The following BICRAL variants were observed in gnomAD, a reference collection of about 807,000 sequenced individuals.
The protein encoded by BICRAL is BICRA like chromatin remodeling complex associated protein, also known as BRD4-interacting chromatin-remodeling complex-associated protein-like.
BICRAL carries 8 observed loss-of-function variants against 91.8 expected under a neutral mutation model. The ratio of observed to expected loss-of-function variants is 0.09; its 90% CI spans 0.05 to 0.16. The LOEUF (loss-of-function observed/expected upper bound fraction) is 0.16, where lower values mean the gene tolerates loss of function less well. Ranked by LOEUF, BICRAL falls within the 10% of genes least tolerant of loss-of-function variation. The pLI is 1.00. For synonymous variants in BICRAL, 445 were observed against 491.1 expected, an observed-to-expected ratio of 0.91 and a Z score of 1.24; for missense variants, 1,038 against 1,310.9, an observed-to-expected ratio of 0.79 and a Z score of 3.21.
At chr6:42,803,711 T>C (rs1000336782) in intron 1 of BICRAL, among the ~76,000 whole-genome samples, 5 of 152,082 alleles carry the variant, frequency 3.3e-5, no homozygotes, top group African/African-American at 1.2e-4. Flanking sequence ...AGTGGGGAAG[T>C]CAGAAAAACC....
Position 42,864,624 on chromosome 6 carries a change from T to A in BICRAL, c.2453-35T>A, listed in dbSNP as rs750991811. ...TGCTGTATAGTCTGTCCTCTCCCAA[T>A]CACTCACTAATGTTCTTTTTGTTCC... On this transcript the variant is annotated intron_variant, in intron 12 of 12. Transcript: ENST00000314073. 6 of 1,569,398 alleles carry A rather than the reference T, an allele frequency of 3.8e-6. No individual in the cohort carries two copies. The Admixed American group carries it at 1.0e-4, about 27-fold the overall frequency.
chr6:42,841,139 A>G (rs1324387210), intron 6 of BICRAL, among the ~76,000 whole-genome samples: 1 of 146,100 alleles, frequency 6.8e-6, no homozygotes, highest in African/African-American at 2.5e-5. Flanking sequence ...TATAGTACCT[A>G]TCATGCTTTG....
rs1180841336 is a variant in BICRAL, at chr6:42,851,962, A to C, written c.1840-130A>C. 4 of 604,262 alleles carry C rather than the reference A, an allele frequency of 6.6e-6. No individual in the cohort carries two copies. The Admixed American group carries it at 1.2e-4, about 18-fold the overall frequency. The allele number at this position is 604,262 out of a possible 1,614,324, so 37.4% of individuals were successfully genotyped here. A position where few individuals can be genotyped will look rare whatever the true frequency, so the allele number is the denominator to read the frequency against. ...AAGTGATAAGAAAATACAATTATTAAATTTTTGGTTTGTTTATAATCTAAC... is the reference window on the plus strand; with the variant it reads ...AAGTGATAAGAAAATACAATTATTACATTTTTGGTTTGTTTATAATCTAAC... On this transcript the variant is annotated intron_variant, in intron 6 of 12. Transcript: ENST00000314073.
At chr6:42,780,362 C>G (rs1400051617), upstream of BICRAL, among the ~76,000 whole-genome samples, 42 of 151,958 alleles carry the variant, frequency 2.8e-4, 1 homozygote, top group Admixed American at 2.6e-3. Flanking sequence ...AGAAGCCATA[C>G]AATAATTTCA....
rs569158078 is a variant in BICRAL at position 42,786,120 on chromosome 6, G to T, written c.-102+4019G>T. 5.2e-3 allele frequency among the ~76,000 whole-genome samples: 791 copies of T among 152,326 alleles called. 3 individuals carry two copies. The highest frequency in any genetic ancestry group is 8.3e-3 in the Non-Finnish European group (568 of 68,024). ...AATGAGAAAGAACCAAGTCAGTGAT[G>T]AAATCATTAATTTCTCTGGATTAAG... On this transcript the variant is annotated intron_variant, in intron 1 of 12. Transcript: ENST00000314073.
At chr6:42,803,795 G>A (rs1763637501) in intron 1 of BICRAL, among the ~76,000 whole-genome samples, 1 of 152,146 alleles carries the variant, frequency 6.6e-6, no homozygotes, top group Non-Finnish European at 1.5e-5. Flanking sequence ...TCATTATCTT[G>A]TGAATATCAG....
At chr6:42,776,495 A>C (rs533280207) in intron 1 of BICRAL, among the ~76,000 whole-genome samples, 1 of 151,946 alleles carries the variant, frequency 6.6e-6, no homozygotes, top group Non-Finnish European at 1.5e-5. Context: ...CCACAGGCAC[A>C]TGCCACCATG....
At chr6:42,789,163 G>A (rs1269464143) in intron 1 of BICRAL, among the ~76,000 whole-genome samples, 1 of 152,182 alleles carries the variant, frequency 6.6e-6, no homozygotes, top group Non-Finnish European at 1.5e-5. Context: ...AGTTTGGGAA[G>A]ATGAAAAATT....
chr6:42,860,569 C>T lies in BICRAL; in HGVS notation c.2349+213C>T, dbSNP rs151160349. On this transcript the variant is annotated intron_variant, in intron 11 of 12. Transcript: ENST00000314073. The stretch of plus-strand genomic sequence containing the variant: ...GGGTCAGTACTATTCTCTTGTTTAA[C>T]GGATAAGGAAACCAGGGCTTTGGTT... Among the ~76,000 whole-genome samples, 73 of 152,272 alleles carry T rather than the reference C, an allele frequency of 4.8e-4. 1 individual carries two copies. Among genetic ancestry groups the T allele is most frequent in the African/African-American group, 1.7e-3 (69 of 41,554 alleles).
At chr6:42,821,891 G>A (rs542141486) in intron 2 of BICRAL, 127 bp from the exon 3 acceptor site, 2 of 548,742 alleles carry the variant, frequency 3.6e-6, no homozygotes, top group Non-Finnish European at 6.5e-6. Context: ...ATATTAAGCA[G>A]AGGAAAACTC....
chr6:42,814,519 ATTTTTTTTTTTT>A lies in BICRAL; in HGVS notation c.-6+4128_-6+4139del, dbSNP rs70990145. Among the ~76,000 whole-genome samples the A allele has an allele frequency of 2.3e-3, 181 of 80,216 alleles. 2 individuals are homozygous for A. The highest frequency in any genetic ancestry group is 9.3e-3 in the Middle Eastern group (1 of 108). 52.6% of individuals were successfully genotyped at this position (80,216 alleles called of 152,430 possible). Reference sequence around the variant, plus strand: ...TGTGTGTATATATATATATATATATATTTTTTTTTTTTTTTTTTTTTAGATGAAGTCTTGGTC... The same window carrying A: ...TGTGTGTATATATATATATATATATATTTTTTTTTAGATGAAGTCTTGGTC... On this transcript the variant is annotated intron_variant, in intron 2 of 12. Transcript: ENST00000314073.
chr6:42,828,505 A>G lies in BICRAL; in HGVS notation c.172A>G (p.Lys58Glu). ...TTTATTTTTTTAGAATGCTGATCCTAAGTCATCCCTCAAAGGTGTAAGCAA... is the reference window on the plus strand; with the variant it reads ...TTTATTTTTTTAGAATGCTGATCCTGAGTCATCCCTCAAAGGTGTAAGCAA... The part of the protein sequence containing the change: ...IFANSSNADP[K>E]SSLKGVSNQL... Residue 58 changes from lysine to glutamate, a missense_variant, in exon 6 of 13, where the codon AAG (lysine) becomes GAG (glutamate). Physicochemically the swap from Lys to Glu is moderately conservative, Grantham distance 56. This residue lies in a region of BICRAL where 115 missense variants were observed against 121.5 expected (regional missense o/e 0.95). Transcript: ENST00000314073. The G allele has an allele frequency of 6.2e-7, 1 of 1,611,642 alleles. No homozygotes were observed. Among genetic ancestry groups the G allele is most frequent in the Non-Finnish European group, 8.5e-7 (1 of 1,178,750 alleles).
intron 1 of BICRAL, among the ~76,000 whole-genome samples, chr6:42,796,482 A>G (rs747775362): frequency 5.9e-5 from 9 of 152,188 alleles, no homozygotes; most frequent in Non-Finnish European, 1.2e-4. Flanking sequence ...GGGTGTTCAC[A>G]GTCGAGCACA....
At chr6:42,806,707 G>A (rs1252419983) in intron 1 of BICRAL, among the ~76,000 whole-genome samples, 1 of 151,324 alleles carries the variant, frequency 6.6e-6, no homozygotes, top group Non-Finnish European at 1.5e-5. Context: ...TAGAGACAGG[G>A]TTTTGCCATG....
intron 5 of BICRAL, among the ~76,000 whole-genome samples, chr6:42,826,789 G>GT (rs1320937155): frequency 7.8e-4 from 116 of 148,508 alleles, no homozygotes; most frequent in African/African-American, 2.8e-3. Flanking sequence ...CCTCTTGTTT[G>GT]TTTGTTTTTT....
At chr6:42,788,334 C>T (rs745358197) in intron 1 of BICRAL, among the ~76,000 whole-genome samples, 3 of 150,476 alleles carry the variant, frequency 2.0e-5, no homozygotes, top group Non-Finnish European at 4.4e-5. Flanking sequence ...AAGCAATTCT[C>T]CTGCCTCAGC....
intron 1 of BICRAL, among the ~76,000 whole-genome samples, chr6:42,764,244 A>G (rs1010861995): frequency 3.3e-4 from 37 of 112,126 alleles, no homozygotes; most frequent in Admixed American, 6.5e-4. Context: ...TTTGTTTCCG[A>G]AAAAAAAAAA....
At chr6:42,856,178 G>A (rs375195546) in intron 9 of BICRAL, among the ~76,000 whole-genome samples, 16 of 151,796 alleles carry the variant, frequency 1.1e-4, no homozygotes, top group South Asian at 6.3e-4. Context: ...TTAGCCAGGC[G>A]TGGTGGTACG....
chr6:42,855,765 G>A (rs1238591332), intron 8 of BICRAL, 91 bp from the exon 9 acceptor site: 1 of 992,976 alleles, frequency 1.0e-6, no homozygotes, highest in Non-Finnish European at 1.6e-6. Context: ...TTGATAGGTA[G>A]TTGAAAATAT....
Sources: allele counts gnomAD v4.1 joint callset (sites outside exome capture counted in the v4.1 genomes callset), GRCh38; gene constraint gnomAD v4.1.1; regional missense constraint gnomAD v4.1.1; transcripts MANE v1.5; gene names NCBI Gene and HGNC (gene_info 2026-07-23, HGNC 2026-07-21).